DACH2: variants seen among roughly 807,000 people sequenced by gnomAD.
The protein encoded by DACH2 is dachshund family transcription factor 2, also known as dachshund homolog 2.
Under a neutral mutation model 35.8 loss-of-function variants are expected in DACH2, and 17 were observed. That is an observed-to-expected ratio of 0.48 (90% confidence interval 0.33 to 0.71). DACH2 has a LOEUF of 0.71. Among genes scored for constraint, DACH2 ranks in the 30% least tolerant of loss-of-function variants. The probability of loss-of-function intolerance (pLI) is 0.02; values close to 1 mark genes in which losing one functional copy is unlikely to be tolerated. For synonymous variants in DACH2, 195 were observed against 177.3 expected (o/e 1.10, Z -0.79); for missense variants, 469 against 472.7 (o/e 0.99, Z 0.07).
chrX:86,660,057 C>A (rs191544463), intron 4 of DACH2, among the ~76,000 whole-genome samples: 94 of 111,013 alleles, frequency 8.5e-4, no homozygotes, highest in African/African-American at 2.9e-3. Context: ...AAATGTTTTT[C>A]CTGCTTTTGG....
intron 7 of DACH2, among the ~76,000 whole-genome samples, chrX:86,800,230 T>G (rs975668464): frequency 8.9e-6 from 1 of 112,340 alleles, no homozygotes; most frequent in African/African-American, 3.2e-5. Flanking sequence ...CTTCAATTTA[T>G]AGCACTTTGA....
intron 7 of DACH2, among the ~76,000 whole-genome samples, chrX:86,788,274 C>T (rs1247610031): frequency 2.7e-5 from 3 of 110,918 alleles, no homozygotes; most frequent in Non-Finnish European, 5.7e-5. Flanking sequence ...TGGGAAGCTG[C>T]TGATCACCGG....
intron 7 of DACH2, among the ~76,000 whole-genome samples, chrX:86,792,746 A>G (rs2042198974): frequency 8.9e-6 from 1 of 111,933 alleles, no homozygotes; most frequent in Non-Finnish European, 1.9e-5. Context: ...TTGTGTATAT[A>G]TAACACATTT....
chrX:86,474,186 T>G (rs2037805042), intron 2 of DACH2, among the ~76,000 whole-genome samples: 1 of 112,213 alleles, frequency 8.9e-6, no homozygotes, highest in Admixed American at 9.5e-5. Context: ...TCTATGCAAA[T>G]ATTTGTCCCA....
At chrX:86,301,868 A>C (rs1236363094) in intron 1 of DACH2, among the ~76,000 whole-genome samples, 1 of 111,639 alleles carries the variant, frequency 9.0e-6, no homozygotes, top group African/African-American at 3.3e-5. Context: ...GTCTATACTT[A>C]TGGGAGTCCA....
chrX:86,420,946 A>T (rs1457961367), intron 2 of DACH2, among the ~76,000 whole-genome samples: 1 of 111,068 alleles, frequency 9.0e-6, no homozygotes. Flanking sequence ...CAACATAATA[A>T]ATCAAGCCCA....
rs762004671 is a variant in DACH2, at chrX:86,149,062, A to G, written c.442A>G (p.Thr148Ala). 8.4e-7 allele frequency: 1 copy of G among 1,192,086 alleles called. No homozygotes were observed. The highest frequency in any genetic ancestry group is 3.0e-5 in the East Asian group (1 of 33,448). Reference sequence around the variant, plus strand: ...CGGGGTAAACCGCTGCAAACTCATCACCAGGAAAGACTTCGAAACTTTGTT... The same window carrying G: ...CGGGGTAAACCGCTGCAAACTCATCGCCAGGAAAGACTTCGAAACTTTGTT... ...QPGVNRCKLI[T>A]RKDFETLFTD... The change falls in exon 1 of 12, where the codon ACC becomes GCC. Residue 148 changes from threonine to alanine, a missense_variant. Transcript: ENST00000373125.
At chrX:86,721,120 C>T (rs1178282887) in intron 6 of DACH2, among the ~76,000 whole-genome samples, 1 of 112,433 alleles carries the variant, frequency 8.9e-6, no homozygotes, top group Non-Finnish European at 1.9e-5. Flanking sequence ...TCCTAGGCAT[C>T]CAAACCTGTG....
intron 1 of DACH2, among the ~76,000 whole-genome samples, chrX:86,323,462 G>A (rs775090742): frequency 8.9e-6 from 1 of 112,116 alleles, no homozygotes; most frequent in African/African-American, 3.2e-5. Context: ...TGCATGCCTG[G>A]TTGCTAAGCC....
chrX:86,550,522 G>T (rs1426357016), intron 3 of DACH2, among the ~76,000 whole-genome samples: 1 of 110,278 alleles, frequency 9.1e-6, no homozygotes, highest in African/African-American at 3.3e-5. Flanking sequence ...AAATCACAAG[G>T]CCACCAAAAG....
intron 3 of DACH2, among the ~76,000 whole-genome samples, chrX:86,616,222 G>C (rs1331914941): frequency 9.0e-6 from 1 of 111,654 alleles, no homozygotes; most frequent in East Asian, 2.8e-4. Context: ...GAATAATGCT[G>C]TAATGAACAT....
intron 3 of DACH2, among the ~76,000 whole-genome samples, chrX:86,531,583 G>A (rs888443956): frequency 1.8e-5 from 2 of 112,627 alleles, no homozygotes; most frequent in Non-Finnish European, 3.8e-5. Context: ...GAAGGCAAGA[G>A]TTAAGGTTTC....
intron 1 of DACH2, among the ~76,000 whole-genome samples, chrX:86,278,652 C>G (rs2033964080): frequency 1.8e-5 from 2 of 111,957 alleles, no homozygotes; most frequent in Admixed American, 1.9e-4. Flanking sequence ...TTTGGAGTTT[C>G]TTTTATACCC....
chrX:86,225,475 A>G (rs886526621), intron 1 of DACH2, among the ~76,000 whole-genome samples: 1 of 111,123 alleles, frequency 9.0e-6, no homozygotes, highest in Non-Finnish European at 1.9e-5. Context: ...TTTTTGCATA[A>G]AGTGTCTCAA....
intron 3 of DACH2, among the ~76,000 whole-genome samples, chrX:86,629,372 A>AAAATG (rs1449289706): frequency 9.0e-6 from 1 of 111,205 alleles, no homozygotes; most frequent in Non-Finnish European, 1.9e-5. Flanking sequence ...AAATTCCTTA[A>AAAATG]AAATGATCTT....
intron 2 of DACH2, among the ~76,000 whole-genome samples, chrX:86,461,778 A>G (rs913924601): frequency 1.8e-5 from 2 of 111,545 alleles, no homozygotes; most frequent in African/African-American, 6.5e-5. Context: ...AAACAGAAAA[A>G]TGTTTATCTT....
chrX:86,540,767 T>C (rs781112540), intron 3 of DACH2, among the ~76,000 whole-genome samples: 38 of 111,887 alleles, frequency 3.4e-4, no homozygotes, highest in Admixed American at 7.6e-4. Context: ...ATGATTGCCA[T>C]AATTTGTTGC....
chrX:86,299,776 G>A (rs1356522261), intron 1 of DACH2, among the ~76,000 whole-genome samples: 1 of 111,830 alleles, frequency 8.9e-6, no homozygotes, highest in African/African-American at 3.2e-5. Flanking sequence ...GCCATTTGTG[G>A]CATTTCTCCC....
At chrX:86,820,250 T>C (rs1332233771) in intron 11 of DACH2, among the ~76,000 whole-genome samples, 1 of 111,808 alleles carries the variant, frequency 8.9e-6, no homozygotes, top group Non-Finnish European at 1.9e-5. Context: ...CTGTGAATAA[T>C]TTTTACATTT....
Sources: allele counts gnomAD v4.1 joint callset (sites outside exome capture counted in the v4.1 genomes callset), GRCh38; gene constraint gnomAD v4.1.1; transcripts MANE v1.5; gene names NCBI Gene and HGNC (gene_info 2026-07-23, HGNC 2026-07-21).